The following NEDD4L variants were observed in gnomAD, a reference collection of about 807,000 sequenced individuals.
The protein encoded by NEDD4L is E3 ubiquitin-protein ligase NEDD4-like.
In NEDD4L, 54 loss-of-function variants were observed where a neutral mutation model predicts 148.9. That is an observed-to-expected ratio of 0.36 (90% confidence interval 0.29 to 0.45). The LOEUF (loss-of-function observed/expected upper bound fraction) is 0.45, where lower values mean the gene tolerates loss of function less well. Ranked by LOEUF, NEDD4L falls within the 20% of genes least tolerant of loss-of-function variation. The pLI is 1.00. For missense variants in NEDD4L, 856 were observed against 1,233.8 expected, an observed-to-expected ratio of 0.69 and a Z score of 4.59; for synonymous variants, 433 against 440.7, an observed-to-expected ratio of 0.98 and a Z score of 0.22.
intron 2 of NEDD4L, among the ~76,000 whole-genome samples, chr18:58,182,798 AG>A (rs1187837593): frequency 6.6e-6 from 1 of 152,112 alleles, no homozygotes; most frequent in Non-Finnish European, 1.5e-5. Context: ...TTGGTTTCTC[AG>A]ATATTTCTGC....
chr18:58,252,156 T>C (rs1600255178), intron 5 of NEDD4L, 102 bp downstream of exon 5: 1 of 756,402 alleles, frequency 1.3e-6, no homozygotes, highest in Non-Finnish European at 2.3e-6. Flanking sequence ...CTTAGGACAG[T>C]ATATGTGCCC....
chr18:58,306,949 C>A (rs1049795330), intron 5 of NEDD4L, among the ~76,000 whole-genome samples: 1 of 152,172 alleles, frequency 6.6e-6, no homozygotes, highest in Non-Finnish European at 1.5e-5. Context: ...TCTTAACCTC[C>A]TTATAGCAGT....
chr18:58,133,050 G>A (rs886984791), intron 1 of NEDD4L, among the ~76,000 whole-genome samples: 1 of 152,164 alleles, frequency 6.6e-6, no homozygotes, highest in African/African-American at 2.4e-5. Context: ...TATTCGTGAT[G>A]TTAAATGACT....
intron 5 of NEDD4L, among the ~76,000 whole-genome samples, chr18:58,269,578 C>T (rs1460625803): frequency 6.6e-6 from 1 of 152,012 alleles, no homozygotes; most frequent in Non-Finnish European, 1.5e-5. Context: ...GATTATTTAG[C>T]ACATTAAAGG....
In NEDD4L at chr18:58,280,265, C is replaced by T. The variant is rs562614970; in HGVS notation, c.297+28211C>T. Among the ~76,000 whole-genome samples the T allele has an allele frequency of 4.6e-5, 7 of 152,248 alleles. No homozygotes were observed. In the South Asian group the frequency reaches 6.2e-4, roughly 14 times the overall value. ...GTGTGTGGCCCATGTCACTGTCCAG[C>T]GCATTCCACTGTCCAGCCCATTCCA... On this transcript the variant is annotated intron_variant, in intron 5 of 30. Coordinates refer to ENST00000400345, the MANE Select transcript of NEDD4L (RefSeq NM_001144967.3).
At chr18:58,236,691 A>G (rs2046064996) in intron 2 of NEDD4L, among the ~76,000 whole-genome samples, 1 of 152,192 alleles carries the variant, frequency 6.6e-6, no homozygotes, top group Non-Finnish European at 1.5e-5. Flanking sequence ...AGTTATGACC[A>G]TTGCTCATAG....
At chr18:58,323,790 A>G (rs541676143) in intron 8 of NEDD4L, among the ~76,000 whole-genome samples, 4 of 152,272 alleles carry the variant, frequency 2.6e-5, no homozygotes, top group African/African-American at 9.6e-5. Flanking sequence ...TAGAAATGCC[A>G]TTCTGCAACG....
At chr18:58,220,921 C>G (rs540660853) in intron 2 of NEDD4L, among the ~76,000 whole-genome samples, 48 of 152,252 alleles carry the variant, frequency 3.2e-4, no homozygotes, top group Non-Finnish European at 5.7e-4. Context: ...GGGTAGAGCT[C>G]TGCTGGCACC....
chr18:58,353,384 A>C (rs1226005973), intron 18 of NEDD4L, among the ~76,000 whole-genome samples: 3 of 152,224 alleles, frequency 2.0e-5, no homozygotes, highest in African/African-American at 7.2e-5. Flanking sequence ...TTGGAGATTA[A>C]AATTTATTTT....
At chr18:58,104,855 C>A (rs1268094349) in intron 1 of NEDD4L, among the ~76,000 whole-genome samples, 14 of 151,740 alleles carry the variant, frequency 9.2e-5, no homozygotes, top group Admixed American at 8.5e-4. Flanking sequence ...CCCCCGCCCC[C>A]CAACCAACCC....
chr18:58,177,033 A>G (rs772371093), intron 2 of NEDD4L, among the ~76,000 whole-genome samples: 15 of 152,090 alleles, frequency 9.9e-5, no homozygotes, highest in South Asian at 2.1e-4. Context: ...GGCCAAAAGT[A>G]TGAGGCCAGT....
intron 5 of NEDD4L, among the ~76,000 whole-genome samples, chr18:58,294,399 T>A (rs2055235303): frequency 1.3e-5 from 2 of 152,202 alleles, no homozygotes; most frequent in Non-Finnish European, 2.9e-5. Context: ...TGAATGGCTC[T>A]AAATTCAGTA....
At chr18:58,294,987 G>C (rs2055344896) in intron 5 of NEDD4L, among the ~76,000 whole-genome samples, 1 of 152,084 alleles carries the variant, frequency 6.6e-6, no homozygotes, top group African/African-American at 2.4e-5. Context: ...TAGGTTCAGA[G>C]CATAATTGAG....
chr18:58,230,412 T>TCC (rs1555750252), intron 2 of NEDD4L, among the ~76,000 whole-genome samples: 1 of 118,996 alleles, frequency 8.4e-6, no homozygotes, highest in Admixed American at 8.5e-5. Flanking sequence ...ACTGTGAAGC[T>TCC]TCTTCTTTTT....
chr18:58,360,443 CT>C (rs992120921), intron 19 of NEDD4L, among the ~76,000 whole-genome samples: 1 of 152,068 alleles, frequency 6.6e-6, no homozygotes, highest in Admixed American at 6.5e-5. Context: ...ATTCTTTAAG[CT>C]TTTTTTGTAA....
At chr18:58,130,089 G>A (rs780026221) in intron 1 of NEDD4L, among the ~76,000 whole-genome samples, 29 of 149,544 alleles carry the variant, frequency 1.9e-4, no homozygotes, top group African/African-American at 5.7e-4. Context: ...GAACTGTGGC[G>A]GTGTTGGGCT....
chr18:58,186,988 G>C (rs1428431435), intron 2 of NEDD4L, among the ~76,000 whole-genome samples: 2 of 152,192 alleles, frequency 1.3e-5, no homozygotes, highest in Non-Finnish European at 2.9e-5. Flanking sequence ...GAGAACTCTT[G>C]TTCATGCTCT....
intron 1 of NEDD4L, among the ~76,000 whole-genome samples, chr18:58,163,101 A>G (rs111499773): frequency 0.037 from 5,589 of 151,862 alleles, 326 homozygotes; most frequent in African/African-American, 0.12. Context: ...GGGTGTTGCT[A>G]TGTTGCCCAG....
At chr18:58,374,112 C>CAT (rs2047245537) in intron 24 of NEDD4L, among the ~76,000 whole-genome samples, 1 of 152,166 alleles carries the variant, frequency 6.6e-6, no homozygotes, top group African/African-American at 2.4e-5. Context: ...ATGAAATAGA[C>CAT]GTGTTCTTTA....
Sources: allele counts gnomAD v4.1 joint callset (sites outside exome capture counted in the v4.1 genomes callset), GRCh38; gene constraint gnomAD v4.1.1; transcripts MANE v1.5; gene names NCBI Gene and HGNC (gene_info 2026-07-23, HGNC 2026-07-21).